Variants in ITSN2 observed in about 807,000 individuals in gnomAD.
The protein encoded by ITSN2 is intersectin 2.
Under a neutral mutation model 243.7 loss-of-function variants are expected in ITSN2, and 156 were observed. The ratio of observed to expected loss-of-function variants is 0.64; its 90% CI spans 0.56 to 0.73. The LOEUF is 0.73. Among genes scored for constraint, ITSN2 ranks in the 30% least tolerant of loss-of-function variants. The pLI is 0.00. For synonymous variants in ITSN2, 703 were observed against 699.9 expected, an observed-to-expected ratio of 1.00 and a Z score of -0.07; for missense variants, 1,801 against 1,996.1, an observed-to-expected ratio of 0.90 and a Z score of 1.86.
chr2:24,326,958 T>A (rs1011957706), intron 2 of ITSN2, among the ~76,000 whole-genome samples: 5 of 152,190 alleles, frequency 3.3e-5, no homozygotes, highest in African/African-American at 1.2e-4. Flanking sequence ...GTGAAGATGG[T>A]AGAATGGTGA....
intron 29 of ITSN2, among the ~76,000 whole-genome samples, chr2:24,223,127 A>G (rs1250026520): frequency 6.6e-6 from 1 of 152,234 alleles, no homozygotes; most frequent in African/African-American, 2.4e-5. Context: ...GAAGTAGGGA[A>G]GACCTTCTGT....
chr2:24,260,113 G>T (rs140398530), intron 22 of ITSN2, among the ~76,000 whole-genome samples: 4 of 152,172 alleles, frequency 2.6e-5, no homozygotes, highest in Non-Finnish European at 4.4e-5. Flanking sequence ...TAGAGATGAG[G>T]TCTTGCTGTA....
chr2:24,291,243 C>T (rs1334161915), intron 15 of ITSN2, among the ~76,000 whole-genome samples: 1 of 152,056 alleles, frequency 6.6e-6, no homozygotes, highest in African/African-American at 2.4e-5. Flanking sequence ...AATTCTCATG[C>T]TTCAACCTTC....
At chr2:24,290,920 GTTTTTC>G (rs555413594) in intron 15 of ITSN2, among the ~76,000 whole-genome samples, 7 of 151,940 alleles carry the variant, frequency 4.6e-5, no homozygotes, top group South Asian at 2.1e-4. Context: ...CCCTACCAAA[GTTTTTC>G]TTTTTCAAGT....
At chr2:24,213,109 C>T (rs1440862781) in intron 32 of ITSN2, among the ~76,000 whole-genome samples, 3 of 152,102 alleles carry the variant, frequency 2.0e-5, no homozygotes, top group Non-Finnish European at 2.9e-5. Context: ...TTTCCCATGA[C>T]CTGTGCTGGG....
intron 32 of ITSN2, among the ~76,000 whole-genome samples, chr2:24,213,518 T>C (rs1669689813): frequency 6.6e-6 from 1 of 152,234 alleles, no homozygotes; most frequent in African/African-American, 2.4e-5. Flanking sequence ...CGTATCTATA[T>C]AGGTTGCTGT....
chr2:24,250,851 C>T (rs1673997556), intron 25 of ITSN2, among the ~76,000 whole-genome samples: 1 of 152,020 alleles, frequency 6.6e-6, no homozygotes, highest in South Asian at 2.1e-4. Flanking sequence ...ATGTCACCGA[C>T]TGAATACAGA....
In ITSN2 at chr2:24,216,089, T is replaced by C; in HGVS notation, c.3950A>G (p.Gln1317Arg). ...CQLNGAALLQ[Q>R]KTDEDTDFKE... Reference sequence around the variant, plus strand: ...GAAATCTGTGTCTTCATCTGTCTTCTGCTGTAACAGAGCTGCTCCATTAAG... The same window carrying C: ...GAAATCTGTGTCTTCATCTGTCTTCCGCTGTAACAGAGCTGCTCCATTAAG... The change falls in exon 32 of 40, where the codon CAG becomes CGG. Residue 1317 changes from glutamine (Q) to arginine (R), a missense_variant. Gln to Arg is a conservative substitution (Grantham distance 43). Around this residue, in one of 5 missense-constraint regions of ITSN2, gnomAD observed 928 missense variants for 1,065.4 expected, o/e 0.87. Transcript: ENST00000355123. The C allele has an allele frequency of 1.2e-6, 2 of 1,610,138 alleles. No homozygotes were observed.
intron 29 of ITSN2, among the ~76,000 whole-genome samples, chr2:24,232,496 A>G (rs1336825297): frequency 1.3e-5 from 2 of 152,224 alleles, no homozygotes; most frequent in Admixed American, 1.3e-4. Context: ...CTAACCTGCC[A>G]GACTTGTACC....
intron 8 of ITSN2, among the ~76,000 whole-genome samples, chr2:24,305,777 T>A (rs1347283317): frequency 6.6e-6 from 1 of 152,098 alleles, no homozygotes; most frequent in African/African-American, 2.4e-5. Flanking sequence ...GGTCTCAGAA[T>A]AATAATGACA....
chr2:24,254,697 G>A (rs537814194), intron 23 of ITSN2, among the ~76,000 whole-genome samples: 134 of 151,688 alleles, frequency 8.8e-4, no homozygotes, highest in Non-Finnish European at 3.4e-4. Context: ...GAGATATTTC[G>A]CCTTTCTAAA....
chr2:24,215,896 AAAC>A (rs905256665), intron 32 of ITSN2, among the ~76,000 whole-genome samples, 150 bp downstream of exon 32: 4 of 152,124 alleles, frequency 2.6e-5, no homozygotes, highest in Admixed American at 2.6e-4. Flanking sequence ...AGGCAACACA[AAAC>A]AATCGGAAAA....
At chr2:24,205,133 T>G (rs1668732900) in intron 38 of ITSN2, 81 bp downstream of exon 38, 1 of 1,171,312 alleles carries the variant, frequency 8.5e-7, no homozygotes, top group Non-Finnish European at 1.3e-6. Context: ...GGTTATACAC[T>G]GAGACTCTGT....
In ITSN2 at chr2:24,209,953, G is replaced by A. The variant is rs1210761601; in HGVS notation, c.4338C>T (p.Ser1446=). Residue 1446 remains serine (S), a synonymous_variant, in exon 35 of 40, where the codon AGC becomes AGT. Transcript: ENST00000355123. The stretch of plus-strand genomic sequence containing the variant: ...AGAGGAATCCGTGCAGTTCCTTGTT[G>A]CTCTTGGTCTTGTATAATTTCCCAC... The part of the protein sequence containing the change: ...LHSGKLYKTK[S]NKELHGFLFN... The A allele has an allele frequency of 1.9e-5, 30 of 1,614,176 alleles. No homozygotes were observed. Among genetic ancestry groups the A allele is most frequent in the Non-Finnish European group, 2.5e-5 (29 of 1,179,968 alleles).
chr2:24,330,690 TA>T, intron 1 of ITSN2: 1 of 702,618 alleles, frequency 1.4e-6, no homozygotes, highest in South Asian at 1.4e-5. Flanking sequence ...GTGTATTTTT[TA>T]TAACTGTGTA....
chr2:24,205,108 C>G (rs1668731459), intron 38 of ITSN2, 106 bp downstream of exon 38: 1 of 881,118 alleles, frequency 1.1e-6, no homozygotes, highest in Admixed American at 1.9e-5. Flanking sequence ...GATCGTGCCA[C>G]TGCACTCCAG....
At chr2:24,328,236 C>T in intron 1 of ITSN2, 121 bp from the exon 2 acceptor site, 1 of 645,452 alleles carries the variant, frequency 1.5e-6, no homozygotes, top group Non-Finnish European at 2.7e-6. Context: ...GAAAACAATG[C>T]AGAGCTTCTG....
chr2:24,215,528 G>A (rs1285407031), intron 32 of ITSN2, among the ~76,000 whole-genome samples: 4 of 152,136 alleles, frequency 2.6e-5, no homozygotes, highest in African/African-American at 7.2e-5. Flanking sequence ...TTAGCCAGGC[G>A]TGGTGGCACA....
chr2:24,243,052 A>G (rs1672919806), intron 29 of ITSN2, among the ~76,000 whole-genome samples: 1 of 152,162 alleles, frequency 6.6e-6, no homozygotes, highest in Non-Finnish European at 1.5e-5. Context: ...TGCATCCCCA[A>G]CATTTGCCCT....
Sources: allele counts gnomAD v4.1 joint callset (sites outside exome capture counted in the v4.1 genomes callset), GRCh38; gene constraint gnomAD v4.1.1; regional missense constraint gnomAD v4.1.1; transcripts MANE v1.5; gene names NCBI Gene and HGNC (gene_info 2026-07-23, HGNC 2026-07-21).